TYR: variants seen among roughly 807,000 people sequenced by gnomAD.
TYR encodes LB24-AB.
In TYR, 58 loss-of-function variants were observed where a neutral mutation model predicts 51.5. The ratio of observed to expected loss-of-function variants is 1.13; its 90% confidence interval spans 0.91 to 1.40. TYR has a LOEUF of 1.40. TYR is among the 40% of genes most tolerant of loss of function. The probability of loss-of-function intolerance (pLI) is 0.00; values close to 1 mark genes in which losing one functional copy is unlikely to be tolerated. For synonymous variants in TYR, 263 were observed against 235.2 expected, an observed-to-expected ratio of 1.12 and a Z score of -1.08; for missense variants, 732 against 647.4, an observed-to-expected ratio of 1.13 and a Z score of -1.42.
At chr11:89,286,563 A>G (rs2135325669) in intron 4 of TYR, among the ~76,000 whole-genome samples, 1 of 151,912 alleles carries the variant, frequency 6.6e-6, no homozygotes, top group East Asian at 2.0e-4. Flanking sequence ...TACCTAGTAT[A>G]TGGTACAATA....
At chr11:89,229,488 A>G (rs1944017456) in intron 3 of TYR, among the ~76,000 whole-genome samples, 1 of 151,992 alleles carries the variant, frequency 6.6e-6, no homozygotes, top group Non-Finnish European at 1.5e-5. Context: ...AACTCTAAAG[A>G]TTTAAGTATG....
intron 3 of TYR, among the ~76,000 whole-genome samples, chr11:89,241,411 G>T (rs1944192386): frequency 6.6e-6 from 1 of 151,966 alleles, no homozygotes; most frequent in African/African-American, 2.4e-5. Context: ...ATCATATCTA[G>T]TTTGTTCATA....
At chr11:89,178,907 C>T in intron 1 of TYR, 135 bp downstream of exon 1, 3 of 830,916 alleles carry the variant, frequency 3.6e-6, no homozygotes, top group Non-Finnish European at 2.0e-6. Context: ...CTGTTAAGAA[C>T]TCTCAATGTA....
At chr11:89,259,772 G>A (rs1402379470) in intron 3 of TYR, among the ~76,000 whole-genome samples, 1 of 152,050 alleles carries the variant, frequency 6.6e-6, no homozygotes, top group Non-Finnish European at 1.5e-5. Context: ...CAGCATATCT[G>A]CTGGACAATC....
chr11:89,186,682 G>A (rs187181715), intron 1 of TYR, among the ~76,000 whole-genome samples: 1 of 152,268 alleles, frequency 6.6e-6, no homozygotes, highest in Admixed American at 6.5e-5. Context: ...GTGCACAGGT[G>A]ATTACATATA....
chr11:89,203,247 C>A lies in TYR; in HGVS notation c.1036+11829C>A, dbSNP rs537880090. On this transcript the variant is annotated intron_variant, in intron 2 of 4. Transcript: ENST00000263321. Reference sequence around the variant, plus strand: ...TGATAGTCACATGGTTGATAACAACCATAGTTAAGTCTACTATTCCAAATT... The same window carrying A: ...TGATAGTCACATGGTTGATAACAACAATAGTTAAGTCTACTATTCCAAATT... 1.0e-3 allele frequency among the ~76,000 whole-genome samples: 158 copies of A among 152,224 alleles called. 2 individuals are homozygous for A. The highest frequency in any genetic ancestry group is 1.0e-3 in the South Asian group (5 of 4,826).
intron 1 of TYR, among the ~76,000 whole-genome samples, chr11:89,186,638 C>A (rs1303748233): frequency 6.6e-6 from 1 of 152,122 alleles, no homozygotes; most frequent in Non-Finnish European, 1.5e-5. Context: ...AAAACAGAGG[C>A]CTTCTCTACC....
chr11:89,210,654 A>G (rs1943742144), intron 2 of TYR, among the ~76,000 whole-genome samples: 1 of 152,162 alleles, frequency 6.6e-6, no homozygotes. Flanking sequence ...CAACCCCAAG[A>G]CACATAATTG....
chr11:89,241,855 A>G (rs1944200422), intron 3 of TYR, among the ~76,000 whole-genome samples: 1 of 148,892 alleles, frequency 6.7e-6, no homozygotes, highest in African/African-American at 2.4e-5. Context: ...TTAATATAAT[A>G]GTGAAATTGT....
chr11:89,224,792 C>T (rs571811162), intron 2 of TYR, among the ~76,000 whole-genome samples: 2 of 152,250 alleles, frequency 1.3e-5, no homozygotes, highest in South Asian at 2.1e-4. Flanking sequence ...GTGTTGCCAA[C>T]ATGTATAACT....
intron 2 of TYR, among the ~76,000 whole-genome samples, chr11:89,206,661 T>C (rs200297288): frequency 6.6e-6 from 1 of 151,476 alleles, no homozygotes; most frequent in African/African-American, 2.4e-5. Context: ...TTCCATTCAA[T>C]AACAACAACA....
At chr11:89,240,799 T>G (rs1204294812) in intron 3 of TYR, among the ~76,000 whole-genome samples, 10 of 152,192 alleles carry the variant, frequency 6.6e-5, no homozygotes, top group Admixed American at 6.5e-4. Context: ...TAGTTACAGC[T>G]TAATCATGCT....
intron 2 of TYR, 40 bp downstream of exon 2, chr11:89,191,458 T>A (rs1234446811): frequency 1.3e-6 from 2 of 1,585,514 alleles, no homozygotes; most frequent in East Asian, 4.5e-5. Flanking sequence ...TTTTCTGAAT[T>A]CATATTTACA....
In TYR at chr11:89,187,025, G is replaced by C. The variant is rs1943383409; in HGVS notation, c.820-4177G>C. ...AACTTTGAGAAAATAAATGTCTGCTGTTTAAGCCACCCAGTCTGTAGTATT... is the reference window on the plus strand; with the variant it reads ...AACTTTGAGAAAATAAATGTCTGCTCTTTAAGCCACCCAGTCTGTAGTATT... On this transcript the variant is annotated intron_variant, in intron 1 of 4. Coordinates refer to ENST00000263321, the MANE Select transcript of TYR (RefSeq NM_000372.5). Among the ~76,000 whole-genome samples the C allele has an allele frequency of 1.3e-5, 2 of 152,138 alleles. 1 individual carries two copies. Among genetic ancestry groups the C allele is most frequent in the Admixed American group, 1.3e-4 (2 of 15,246 alleles).
chr11:89,228,334 A>T (rs1944002430), intron 3 of TYR, among the ~76,000 whole-genome samples: 2 of 152,158 alleles, frequency 1.3e-5, no homozygotes, highest in Non-Finnish European at 2.9e-5. Context: ...TTCCATGCTA[A>T]ATAGCCATTG....
Position 89,284,973 on chromosome 11 carries a change from C to T in TYR, c.1366+19C>T. The stretch of plus-strand genomic sequence containing the variant: ...GATTCAGGTAAAGTTTACTTTCTTT[C>T]AGAGGAATTGCTGAATCTAGTGTTA... On this transcript the variant is annotated intron_variant, in intron 4 of 4. Transcript: ENST00000263321. The T allele has an allele frequency of 1.2e-6, 2 of 1,604,346 alleles. No individual in the cohort carries two copies. The highest frequency in any genetic ancestry group is 1.7e-6 in the Non-Finnish European group (2 of 1,171,976).
chr11:89,229,193 C>A (rs1354261951), intron 3 of TYR, among the ~76,000 whole-genome samples: 1 of 151,934 alleles, frequency 6.6e-6, no homozygotes, highest in Non-Finnish European at 1.5e-5. Flanking sequence ...AATCATTAGG[C>A]AGATTTTTAT....
At chr11:89,224,294 T>A (rs936182596) in intron 2 of TYR, among the ~76,000 whole-genome samples, 4 of 152,194 alleles carry the variant, frequency 2.6e-5, no homozygotes, top group Non-Finnish European at 5.9e-5. Flanking sequence ...TACTAGGTGC[T>A]TTTATACCTG....
intron 2 of TYR, among the ~76,000 whole-genome samples, chr11:89,211,547 A>G (rs1414293775): frequency 6.6e-6 from 1 of 152,174 alleles, no homozygotes; most frequent in African/African-American, 2.4e-5. Flanking sequence ...GATCAATGAG[A>G]CAGAAAATTA....
Sources: allele counts gnomAD v4.1 joint callset (sites outside exome capture counted in the v4.1 genomes callset), GRCh38; gene constraint gnomAD v4.1.1; transcripts MANE v1.5; gene names NCBI Gene and HGNC (gene_info 2026-07-23, HGNC 2026-07-21).